The following SLC16A12 variants were observed in gnomAD, a reference collection of about 807,000 sequenced individuals.
SLC16A12 encodes solute carrier family 16 member 12, also known as monocarboxylate transporter 12.
Under a neutral mutation model 42.4 loss-of-function variants are expected in SLC16A12, and 17 were observed. The observed-to-expected ratio is 0.40, with a 90% CI of 0.27 to 0.60. The LOEUF (loss-of-function observed/expected upper bound fraction) is 0.60, where lower values mean the gene tolerates loss of function less well. SLC16A12 is among the 20% of genes least tolerant of loss of function. The pLI is 0.42. For synonymous variants in SLC16A12, 224 were observed against 229.4 expected (o/e 0.98, Z 0.21); for missense variants, 544 against 623.0 (o/e 0.87, Z 1.35).
chr10:89,528,599 A>T (rs1215357267), intron 2 of SLC16A12, among the ~76,000 whole-genome samples: 1 of 152,218 alleles, frequency 6.6e-6, no homozygotes, highest in Non-Finnish European at 1.5e-5. Context: ...TGGGCCCTCT[A>T]TAGAGAAAAT....
intron 3 of SLC16A12, among the ~76,000 whole-genome samples, chr10:89,459,128 ATAAT>A (rs1373264819): frequency 1.3e-5 from 2 of 152,330 alleles, no homozygotes; most frequent in East Asian, 1.9e-4. Flanking sequence ...AGAAGAAAAG[ATAAT>A]TAATTCCTTG....
At chr10:89,496,646 T>G (rs1244800070) in intron 2 of SLC16A12, among the ~76,000 whole-genome samples, 1 of 152,184 alleles carries the variant, frequency 6.6e-6, no homozygotes, top group Admixed American at 6.5e-5. Context: ...ATTATACAAC[T>G]GCATATGAAA....
intron 2 of SLC16A12, among the ~76,000 whole-genome samples, chr10:89,541,079 G>A (rs1428741788): frequency 4.6e-5 from 7 of 151,300 alleles, no homozygotes; most frequent in Non-Finnish European, 7.4e-5. Flanking sequence ...CCACCACCAC[G>A]CCAGGCTAAT....
chr10:89,529,215 C>T (rs1843502373), intron 2 of SLC16A12, among the ~76,000 whole-genome samples: 1 of 152,062 alleles, frequency 6.6e-6, no homozygotes, highest in South Asian at 2.1e-4. Flanking sequence ...TCAAGAAATA[C>T]ATCTGGTTTC....
chr10:89,467,648 T>A (rs756086124), intron 2 of SLC16A12, among the ~76,000 whole-genome samples: 14 of 152,156 alleles, frequency 9.2e-5, no homozygotes, highest in South Asian at 2.1e-4. Context: ...TATGTAAAAG[T>A]TGTATGTTTG....
intron 6 of SLC16A12, among the ~76,000 whole-genome samples, chr10:89,436,853 A>AG (rs1564823952): frequency 8.3e-5 from 11 of 132,974 alleles, no homozygotes; most frequent in African/African-American, 3.2e-4. Flanking sequence ...AAGAAAGAAA[A>AG]GAAAGAAATA....
chr10:89,440,750 C>T (rs1009572707), intron 5 of SLC16A12, among the ~76,000 whole-genome samples: 13 of 152,082 alleles, frequency 8.5e-5, no homozygotes, highest in South Asian at 2.1e-4. Flanking sequence ...TCAGATTGAC[C>T]GTCAATAGTA....
chr10:89,433,718 C>G (rs908609572), intron 7 of SLC16A12, among the ~76,000 whole-genome samples: 1 of 152,224 alleles, frequency 6.6e-6, no homozygotes, highest in Non-Finnish European at 1.5e-5. Flanking sequence ...GTAGTATTCA[C>G]AGCACCCATA....
chr10:89,472,672 T>C lies in SLC16A12; in HGVS notation c.-46-10048A>G, dbSNP rs565145584. 2.0e-5 allele frequency among the ~76,000 whole-genome samples: 3 copies of C among 151,924 alleles called. No homozygotes were observed. The South Asian group carries it at 6.2e-4, about 32-fold the overall frequency. ...CATGCCCAGCTAATTTTTGTATTTTTAGTAGCGATGGGATTTCACTATGTT... is the reference window on the plus strand; with the variant it reads ...CATGCCCAGCTAATTTTTGTATTTTCAGTAGCGATGGGATTTCACTATGTT... On this transcript the variant is annotated intron_variant, in intron 2 of 7. Transcript: ENST00000371790.
chr10:89,480,406 A>G (rs57142004), intron 2 of SLC16A12, among the ~76,000 whole-genome samples: 10,764 of 152,212 alleles, frequency 0.071, 992 homozygotes, highest in African/African-American at 0.21. Flanking sequence ...TTAAATGGCA[A>G]AATACATGTA....
intron 3 of SLC16A12, among the ~76,000 whole-genome samples, chr10:89,448,856 C>T (rs1229339633): frequency 6.6e-6 from 1 of 152,204 alleles, no homozygotes; most frequent in Non-Finnish European, 1.5e-5. Flanking sequence ...ATTTAGAAAA[C>T]CCCATCGTCT....
intron 2 of SLC16A12, among the ~76,000 whole-genome samples, chr10:89,505,447 CAAG>C (rs1368662027): frequency 6.6e-6 from 1 of 151,644 alleles, no homozygotes; most frequent in Non-Finnish European, 1.5e-5. Flanking sequence ...CAAAAAAAAA[CAAG>C]AATTCCAGCA....
At chr10:89,478,654 G>A (rs1842617077) in intron 2 of SLC16A12, among the ~76,000 whole-genome samples, 1 of 152,112 alleles carries the variant, frequency 6.6e-6, no homozygotes, top group Non-Finnish European at 1.5e-5. Context: ...CTTAGTTTCA[G>A]CCACCTATCA....
At chr10:89,520,138 A>G (rs1166267639) in intron 2 of SLC16A12, among the ~76,000 whole-genome samples, 3 of 152,062 alleles carry the variant, frequency 2.0e-5, no homozygotes, top group Non-Finnish European at 2.9e-5. Context: ...ACAAAGAGAA[A>G]AACGCATATT....
intron 2 of SLC16A12, among the ~76,000 whole-genome samples, chr10:89,496,393 A>G (rs2133814666): frequency 6.6e-6 from 1 of 152,268 alleles, no homozygotes; most frequent in South Asian, 2.1e-4. Context: ...AAGAAGAACT[A>G]TCCCATAAAG....
At chr10:89,434,746 C>T (rs1841751350) in intron 7 of SLC16A12, among the ~76,000 whole-genome samples, 1 of 152,184 alleles carries the variant, frequency 6.6e-6, no homozygotes, top group Non-Finnish European at 1.5e-5. Flanking sequence ...CTTGTTCACT[C>T]TCTCAGTTTT....
chr10:89,510,336 A>G (rs1050813111), intron 2 of SLC16A12, among the ~76,000 whole-genome samples: 34 of 152,182 alleles, frequency 2.2e-4, no homozygotes, highest in African/African-American at 8.2e-4. Context: ...TTCAAACCAT[A>G]CTACAAGGCT....
Position 89,470,965 on chromosome 10 carries a change from AG to A in SLC16A12, c.-46-8342del, listed in dbSNP as rs142554976. Among the ~76,000 whole-genome samples, 348 of 152,334 alleles carry A rather than the reference AG, an allele frequency of 2.3e-3. 1 individual carries two copies. The highest frequency in any genetic ancestry group is 7.9e-3 in the African/African-American group (329 of 41,580). ...TCCCCTAGACCAGACACACTCATGAAGAAGGAGGAATAAACACAAGAGAGGA... is the reference window on the plus strand; with the variant it reads ...TCCCCTAGACCAGACACACTCATGAAAAGGAGGAATAAACACAAGAGAGGA... On this transcript the variant is annotated intron_variant, in intron 2 of 7. Transcript: ENST00000371790.
chr10:89,488,008 T>A (rs1842789565), intron 2 of SLC16A12, among the ~76,000 whole-genome samples: 3 of 133,126 alleles, frequency 2.3e-5, no homozygotes, highest in South Asian at 2.6e-4. Flanking sequence ...ACACACACAT[T>A]TATTATACCA....
Sources: allele counts gnomAD v4.1 joint callset (sites outside exome capture counted in the v4.1 genomes callset), GRCh38; gene constraint gnomAD v4.1.1; transcripts MANE v1.5; gene names NCBI Gene and HGNC (gene_info 2026-07-23, HGNC 2026-07-21).